Variants in FGF7 observed in about 807,000 individuals in gnomAD.
The protein encoded by FGF7 is fibroblast growth factor 7.
FGF7 carries 6 observed loss-of-function variants against 20.5 expected under a neutral mutation model. The ratio of observed to expected loss-of-function variants is 0.29; its 90% CI spans 0.16 to 0.58. FGF7 has a LOEUF of 0.58. FGF7 is among the 20% of genes least tolerant of loss of function. The pLI is 0.90. For missense variants in FGF7, 144 were observed against 228.8 expected, an observed-to-expected ratio of 0.63 and a Z score of 2.39; for synonymous variants, 64 against 74.7, an observed-to-expected ratio of 0.86 and a Z score of 0.74.
chr15:49,467,171 G>A (rs1193884755), intron 2 of FGF7, among the ~76,000 whole-genome samples: 1 of 152,152 alleles, frequency 6.6e-6, no homozygotes, highest in Admixed American at 6.5e-5. Context: ...AAGTGGATGT[G>A]TAGTTTATCA....
chr15:49,475,936 T>G (rs1460784908), intron 2 of FGF7, among the ~76,000 whole-genome samples: 1 of 152,122 alleles, frequency 6.6e-6, no homozygotes, highest in Non-Finnish European at 1.5e-5. Context: ...CCCTTGACAA[T>G]TTGGCCCTAA....
At chr15:49,423,701 G>A (rs2049881661) in intron 1 of FGF7, among the ~76,000 whole-genome samples, 1 of 152,104 alleles carries the variant, frequency 6.6e-6, no homozygotes, top group Admixed American at 6.6e-5. Context: ...AAGAAGTCTA[G>A]GGAGAAAGCA....
chr15:49,431,702 A>G (rs1470356309), intron 2 of FGF7, among the ~76,000 whole-genome samples: 1 of 151,764 alleles, frequency 6.6e-6, no homozygotes, highest in Non-Finnish European at 1.5e-5. Context: ...CTTTGTGAAC[A>G]GGAGGAAAAA....
At position 49,424,216 on chromosome 15, in the gene FGF7, A is replaced by G; in HGVS notation, c.-82A>G. 8.2e-7 allele frequency: 1 copy of G among 1,214,420 alleles called. No individual in the cohort carries two copies. Among genetic ancestry groups the G allele is most frequent in the Non-Finnish European group, 1.2e-6 (1 of 846,382 alleles). The allele number at this position is 1,214,420 out of a possible 1,614,324, so 75.2% of individuals were successfully genotyped here. ...CAATCTACAATTCACAGATAGGAAG[A>G]GGTCAATGACCTAGGAGTAACAATC... On this transcript the variant is annotated 5_prime_UTR_variant, in exon 2 of 4. Coordinates refer to ENST00000267843, the MANE Select transcript of FGF7 (RefSeq NM_002009.4).
rs2049959367 is a variant in FGF7 at position 49,424,515 on chromosome 15, C to A, written c.218C>A (p.Thr73Lys). The A allele has an allele frequency of 1.2e-6, 2 of 1,612,688 alleles. No homozygotes were observed. Among genetic ancestry groups the A allele is most frequent in the Admixed American group, 1.7e-5 (1 of 59,914 alleles). ...AGAGTGAGAAGACTCTTCTGTCGAA[C>A]ACAGTGGTACCTGAGGATCGATAAA... ...DIRVRRLFCR[T>K]QWYLRIDKRG... The change falls in exon 2 of 4, where the codon ACA becomes AAA. Residue 73 changes from threonine to lysine, a missense_variant. Physicochemically the swap from Thr to Lys is moderately conservative, Grantham distance 78. Transcript: ENST00000267843.
chr15:49,458,856 T>C (rs1018913865), intron 2 of FGF7, among the ~76,000 whole-genome samples: 1 of 152,148 alleles, frequency 6.6e-6, no homozygotes, highest in Non-Finnish European at 1.5e-5. Context: ...TGCACCAGTA[T>C]TTTGTCTATT....
Position 49,430,289 on chromosome 15 carries a change from G to T in FGF7, c.286+5706G>T, listed in dbSNP as rs987321545. ...TCTGCATCTCTTCTGACACTTTAAA[G>T]TGGTGTTGCAGTAGGGTACTTGAAG... On this transcript the variant is annotated intron_variant, in intron 2 of 3. Coordinates refer to ENST00000267843, the MANE Select transcript of FGF7 (RefSeq NM_002009.4). Among the ~76,000 whole-genome samples the T allele has an allele frequency of 7.9e-5, 12 of 151,888 alleles. No homozygotes were observed. In the South Asian group the frequency reaches 1.0e-3, roughly 13 times the overall value.
chr15:49,468,444 G>T (rs948255660), intron 2 of FGF7, among the ~76,000 whole-genome samples: 8 of 152,198 alleles, frequency 5.3e-5, no homozygotes, highest in Non-Finnish European at 1.0e-4. Flanking sequence ...ATTTCTTTTA[G>T]TGTATTCCAA....
chr15:49,454,926 C>T (rs2053137008), intron 2 of FGF7, among the ~76,000 whole-genome samples: 1 of 152,084 alleles, frequency 6.6e-6, no homozygotes, highest in South Asian at 2.1e-4. Flanking sequence ...ATTCTTAAAG[C>T]ACTCTCTGCA....
chr15:49,472,531 T>G (rs2054870485), intron 2 of FGF7, among the ~76,000 whole-genome samples: 2 of 152,170 alleles, frequency 1.3e-5, no homozygotes, highest in Non-Finnish European at 1.5e-5. Flanking sequence ...GAAAGTTTAT[T>G]TTGTGCAGTC....
intron 2 of FGF7, among the ~76,000 whole-genome samples, chr15:49,463,618 A>G (rs1219828744): frequency 6.6e-6 from 1 of 151,428 alleles, no homozygotes; most frequent in East Asian, 1.9e-4. Context: ...CCCTGCCTAT[A>G]TTTCTTATTT....
chr15:49,434,008 A>G (rs951776465), intron 2 of FGF7, among the ~76,000 whole-genome samples: 2 of 151,852 alleles, frequency 1.3e-5, no homozygotes, highest in African/African-American at 2.4e-5. Context: ...GGTGATCAGC[A>G]CTGAAGGGAG....
intron 2 of FGF7, among the ~76,000 whole-genome samples, chr15:49,453,235 C>A (rs77311436): frequency 0.018 from 2,807 of 151,942 alleles, 81 homozygotes; most frequent in African/African-American, 0.065. Context: ...CATTTCAACA[C>A]ATAATCAGTA....
intron 2 of FGF7, among the ~76,000 whole-genome samples, chr15:49,435,122 G>A (rs1436867132): frequency 6.6e-6 from 1 of 151,410 alleles, no homozygotes; most frequent in Admixed American, 6.6e-5. Flanking sequence ...GGTACATGGG[G>A]AAAAGGCATA....
intron 2 of FGF7, among the ~76,000 whole-genome samples, chr15:49,462,748 A>G (rs1310438616): frequency 2.0e-5 from 3 of 152,232 alleles, no homozygotes; most frequent in African/African-American, 7.2e-5. Flanking sequence ...ACTTTGAAAG[A>G]TAAGATATGA....
At chr15:49,445,450 G>T (rs1201086835) in intron 2 of FGF7, among the ~76,000 whole-genome samples, 1 of 151,538 alleles carries the variant, frequency 6.6e-6, no homozygotes, top group Non-Finnish European at 1.5e-5. Flanking sequence ...CACTTGAAAT[G>T]TAAGTTTTCT....
intron 2 of FGF7, among the ~76,000 whole-genome samples, chr15:49,467,046 C>T (rs1436811614): frequency 6.6e-6 from 1 of 152,016 alleles, no homozygotes; most frequent in East Asian, 1.9e-4. Context: ...TTATCTTATG[C>T]CTGGGTAGCA....
intron 2 of FGF7, among the ~76,000 whole-genome samples, chr15:49,436,680 A>AT (rs200066768): frequency 0.15 from 22,894 of 151,500 alleles, 2,229 homozygotes; most frequent in Non-Finnish European, 0.21. Flanking sequence ...GGCTCACAGA[A>AT]TTAAGTAACT....
At position 49,484,792 on chromosome 15, in the gene FGF7, T is replaced by C. The variant is rs1490727798; in HGVS notation, c.*288T>C. On this transcript the variant is annotated 3_prime_UTR_variant, in exon 4 of 4. Coordinates refer to ENST00000267843, the MANE Select transcript of FGF7 (RefSeq NM_002009.4). ...GATGTTAGTAACAGTAATTTTTTTC[T>C]TAAATTAATTTACCCTTAAGAGTAT... 4.2e-6 allele frequency: 1 copy of C among 236,936 alleles called. No homozygotes were observed. Among genetic ancestry groups the C allele is most frequent in the South Asian group, 1.6e-4 (1 of 6,330 alleles). The allele number at this position is 236,936 out of a possible 1,614,324, so 14.7% of individuals were successfully genotyped here. A position where few individuals can be genotyped will look rare whatever the true frequency, so the allele number is the denominator to read the frequency against.
Sources: gnomAD v4.1 joint callset for allele counts (sites outside exome capture counted in the v4.1 genomes callset) on GRCh38, gnomAD v4.1.1 for gene constraint, MANE v1.5 for transcripts, NCBI Gene and HGNC (gene_info 2026-07-23, HGNC 2026-07-21) for gene names.